Variants in PLK5 observed in about 807,000 individuals in gnomAD.
PLK5 encodes polo like kinase 5 (inactive), also known as inactive serine/threonine-protein kinase PLK5.
A neutral mutation model predicts 33.7 loss-of-function variants in PLK5; 28 were observed. The observed-to-expected ratio is 0.83, with a 90% CI of 0.62 to 1.14. The LOEUF (loss-of-function observed/expected upper bound fraction) is 1.14, where lower values mean the gene tolerates loss of function less well. PLK5 is among the 50% of genes most tolerant of loss of function. PLK5 has a pLI of 0.00. For synonymous variants in PLK5, 225 were observed against 202.2 expected, an observed-to-expected ratio of 1.11 and a Z score of -0.96; for missense variants, 492 against 461.5, an observed-to-expected ratio of 1.07 and a Z score of -0.61.
chr19:1,533,862 T>G (rs1914004752), intron 12 of PLK5, 69 bp from the exon 13 acceptor site: 2 of 1,095,146 alleles, frequency 1.8e-6, no homozygotes, highest in African/African-American at 1.9e-5. Context: ...AGAGCTGGGG[T>G]GCTGGGTGTG....
chr19:1,530,948 C>T (rs578103116), intron 11 of PLK5, among the ~76,000 whole-genome samples: 4 of 151,850 alleles, frequency 2.6e-5, no homozygotes, highest in African/African-American at 9.7e-5. Flanking sequence ...AAAAATGAGC[C>T]GGGCATGGTG....
chr19:1,534,396 A>C (rs571055492), intron 13 of PLK5, among the ~76,000 whole-genome samples: 7 of 151,106 alleles, frequency 4.6e-5, no homozygotes, highest in Non-Finnish European at 1.0e-4. Flanking sequence ...AATCCCAGCT[A>C]CTCAGGAGGC....
At chr19:1,532,791 G>A (rs11879792) in intron 12 of PLK5, among the ~76,000 whole-genome samples, 77,941 of 151,364 alleles carry the variant, frequency 0.51, 22,049 homozygotes, top group East Asian at 0.78. Flanking sequence ...CAAAGTGCTG[G>A]GATTATAGGC....
chr19:1,535,238 G>A lies in PLK5; in HGVS notation c.999G>A (p.Leu333=). Residue 333 remains leucine (L), a synonymous_variant, in exon 14 of 14, where the codon CTG becomes CTA. Coordinates refer to ENST00000454744, the MANE Select transcript of PLK5 (RefSeq NM_001243079.2). ...GQHLHHALRM[L]QSI is the part of the protein sequence containing the mutation. ...ACCTTCACCACGCCCTCCGCATGCT[G>A]CAGAGTATCTAGTGCCCCTGAGGGT... 6.5e-7 allele frequency: 1 copy of A among 1,535,736 alleles called. No individual in the cohort carries two copies. Among genetic ancestry groups the A allele is most frequent in the East Asian group, 2.4e-5 (1 of 40,866 alleles).
At chr19:1,532,518 CTTCTTTT>C (rs1424800676) in intron 12 of PLK5, among the ~76,000 whole-genome samples, 6 of 121,656 alleles carry the variant, frequency 4.9e-5, no homozygotes, top group African/African-American at 2.4e-4. Flanking sequence ...ACAAAATTTT[CTTCTTTT>C]TTTTTTTTTT....
intron 11 of PLK5, 39 bp from the exon 12 acceptor site, chr19:1,531,699 C>G: frequency 6.5e-7 from 1 of 1,532,664 alleles, no homozygotes; most frequent in South Asian, 1.2e-5. Context: ...TATGCCTGAC[C>G]CCTGACCCCT....
rs1226647056 is a variant in PLK5 at position 1,527,927 on chromosome 19, C to G, written c.3-9C>G. The G allele has an allele frequency of 6.5e-7, 1 of 1,531,282 alleles. No individual in the cohort carries two copies. The highest frequency in any genetic ancestry group is 8.7e-7 in the Non-Finnish European group (1 of 1,143,316). The allele number at this position is 1,531,282 out of a possible 1,614,324, so 94.9% of individuals were successfully genotyped here. On this transcript the variant is annotated splice_polypyrimidine_tract_variant and intron_variant, in intron 6 of 13. Coordinates refer to ENST00000454744, the MANE Select transcript of PLK5 (RefSeq NM_001243079.2). ...GGACACCCAGGTTCTTGCCCCCCAC[C>G]TGGCCCAGGTACACGGTGCTGACTG...
chr19:1,530,542 G>A (rs1463398956), intron 11 of PLK5, among the ~76,000 whole-genome samples: 2 of 149,504 alleles, frequency 1.3e-5, no homozygotes, highest in Admixed American at 1.3e-4. Flanking sequence ...CCGGTGATCT[G>A]GCCGCCTCAG....
At position 1,535,232 on chromosome 19, in the gene PLK5, C is replaced by A; in HGVS notation, c.993C>A (p.Arg331=). The A allele has an allele frequency of 6.5e-7, 1 of 1,535,952 alleles. No individual in the cohort carries two copies. The highest frequency in any genetic ancestry group is 1.2e-5 in the South Asian group (1 of 84,042). ...TTGQHLHHAL[R]MLQSI ...GACAGCACCTTCACCACGCCCTCCG[C>A]ATGCTGCAGAGTATCTAGTGCCCCT... The change falls in exon 14 of 14, where the codon CGC becomes CGA. Residue 331 remains arginine (R), a synonymous_variant. Transcript: ENST00000454744.
rs2145541747 is a variant in PLK5, at chr19:1,528,150, C to CGGCGTGGGGCCCCT, written c.201+25_201+26insCCCCTGGCGTGGGG. On this transcript the variant is annotated intron_variant, in intron 7 of 13. Coordinates refer to ENST00000454744, the MANE Select transcript of PLK5 (RefSeq NM_001243079.2). Reference sequence around the variant, plus strand: ...CTTCACACAGGTGGGCGGCGGTCCTCGGCGTGGGGTCCCTGGCGTGGGGTC... The same window carrying CGGCGTGGGGCCCCT: ...CTTCACACAGGTGGGCGGCGGTCCTCGGCGTGGGGCCCCTGGCGTGGGGTCCCTGGCGTGGGGTC... 1 of 1,509,846 alleles carries CGGCGTGGGGCCCCT rather than the reference C, an allele frequency of 6.6e-7. No homozygotes were observed. The highest frequency in any genetic ancestry group is 8.9e-7 in the Non-Finnish European group (1 of 1,129,532). The allele number at this position is 1,509,846 out of a possible 1,614,324, so 93.5% of individuals were successfully genotyped here.
At chr19:1,531,627 C>A in intron 11 of PLK5, 111 bp from the exon 12 acceptor site, 3 of 1,328,208 alleles carry the variant, frequency 2.3e-6, no homozygotes, top group South Asian at 1.5e-5. Flanking sequence ...TCTGTCCGGT[C>A]CCCGCCGTGG....
At chr19:1,529,130 G>T (rs934425414) in intron 9 of PLK5, 156 bp downstream of exon 9, 1 of 710,050 alleles carries the variant, frequency 1.4e-6, no homozygotes, top group Non-Finnish European at 2.3e-6. Flanking sequence ...ATCAGAGCTG[G>T]GATCCATTTG....
chr19:1,534,625 G>A (rs1243982861), intron 13 of PLK5, among the ~76,000 whole-genome samples: 1 of 145,424 alleles, frequency 6.9e-6, no homozygotes. Flanking sequence ...CTAACACGGT[G>A]AAACCCCGTC....
intron 6 of PLK5, 84 bp from the exon 7 acceptor site, chr19:1,527,852 T>C (rs1913785399): frequency 2.9e-6 from 4 of 1,359,354 alleles, no homozygotes; most frequent in Non-Finnish European, 4.0e-6. Context: ...ACAGCTAAGC[T>C]GTGTAGGCAG....
chr19:1,534,658 A>C (rs60644353), intron 13 of PLK5, among the ~76,000 whole-genome samples: 2 of 119,832 alleles, frequency 1.7e-5, no homozygotes, highest in Admixed American at 9.0e-5. Flanking sequence ...ACAAAAAAAA[A>C]AAAAAAAAAT....
Position 1,524,187 on chromosome 19 carries a change from G to T in PLK5, c.-603G>T, listed in dbSNP as rs1275582642. ...GCGCAGGAGTCGCCCCCTGGTCGCC[G>T]CCTTCCTGCGAGACCCGGGCTCGGG... On this transcript the variant is annotated 5_prime_UTR_variant, in exon 1 of 14. Coordinates refer to ENST00000454744, the MANE Select transcript of PLK5 (RefSeq NM_001243079.2). This position sits in a 1 kb window ranked among gnomAD's most constrained non-coding sequence, Gnocchi z 4.5. The T allele has an allele frequency of 6.6e-6, 1 of 150,642 alleles. No individual in the cohort carries two copies. The highest frequency in any genetic ancestry group is 1.5e-5 in the Non-Finnish European group (1 of 67,426). 9.3% of individuals were successfully genotyped at this position (150,642 alleles called of 1,614,324 possible). A position where few individuals can be genotyped will look rare whatever the true frequency, so the allele number is the denominator to read the frequency against.
chr19:1,534,506 CAAAA>C (rs34568711), intron 13 of PLK5, among the ~76,000 whole-genome samples: 5 of 86,686 alleles, frequency 5.8e-5, no homozygotes, highest in African/African-American at 1.2e-4. Context: ...GACTTCGTCT[CAAAA>C]AAAAAAAAAA....
At chr19:1,530,903 C>T (rs1400766895) in intron 11 of PLK5, among the ~76,000 whole-genome samples, 1 of 151,694 alleles carries the variant, frequency 6.6e-6, no homozygotes, top group Non-Finnish European at 1.5e-5. Context: ...CAGGTATAAG[C>T]CACCGCGCCC....
intron 11 of PLK5, among the ~76,000 whole-genome samples, 151 bp from the exon 12 acceptor site, chr19:1,531,584 TCTC>T (rs1355016813): frequency 6.6e-6 from 1 of 152,120 alleles, no homozygotes; most frequent in African/African-American, 2.4e-5. Context: ...TGATGTCTGG[TCTC>T]CTAGAATCCA....
Sources: allele counts gnomAD v4.1 joint callset (sites outside exome capture counted in the v4.1 genomes callset), GRCh38; gene constraint gnomAD v4.1.1; non-coding constraint Gnocchi (gnomAD v3.1); transcripts MANE v1.5; gene names NCBI Gene and HGNC (gene_info 2026-07-23, HGNC 2026-07-21).